Variants in NAV3 observed in about 807,000 individuals in gnomAD.
The protein encoded by NAV3 is neuron navigator 3.
NAV3 carries 87 observed loss-of-function variants against 244.7 expected under a neutral mutation model. That is an observed-to-expected ratio of 0.36 (90% CI 0.30 to 0.42). The LOEUF (loss-of-function observed/expected upper bound fraction) is 0.42. Among genes scored for constraint, NAV3 ranks in the 20% least tolerant of loss-of-function variants. The pLI is 1.00. For synonymous variants in NAV3, 1,126 were observed against 1,042.2 expected (o/e 1.08, Z -1.55); for missense variants, 2,663 against 2,893.3 (o/e 0.92, Z 1.83).
At chr12:77,827,663 A>G (rs1873154840), upstream of NAV3, among the ~76,000 whole-genome samples, 1 of 152,128 alleles carries the variant, frequency 6.6e-6, no homozygotes, top group South Asian at 2.1e-4. Context: ...TTATCTTTCT[A>G]ATTCTCATGA....
upstream of NAV3, among the ~76,000 whole-genome samples, chr12:77,829,441 A>G (rs1352838251): frequency 1.3e-5 from 2 of 152,186 alleles, no homozygotes; most frequent in Non-Finnish European, 2.9e-5. Context: ...AAGTTCTATT[A>G]TTTAGGTGCT....
intron 5 of NAV3, among the ~76,000 whole-genome samples, chr12:77,982,307 G>T (rs547337694): frequency 1.6e-5 from 1 of 63,288 alleles, no homozygotes; most frequent in East Asian, 5.5e-4. Flanking sequence ...GTTCATATGT[G>T]ACCTTTCCAC....
At chr12:78,107,547 A>C (rs1160335600) in intron 12 of NAV3, among the ~76,000 whole-genome samples, 1 of 152,192 alleles carries the variant, frequency 6.6e-6, no homozygotes, top group Non-Finnish European at 1.5e-5. Context: ...ACTGACAGCA[A>C]ATTTCTGGCA....
At chr12:77,772,809 T>A (rs1357877046) in intron 2 of NAV3, among the ~76,000 whole-genome samples, 1 of 152,194 alleles carries the variant, frequency 6.6e-6, no homozygotes, top group Non-Finnish European at 1.5e-5. Context: ...AAATGTGCTT[T>A]TGGGACATGT....
At chr12:77,889,764 C>T (rs1235675341) in intron 1 of NAV3, among the ~76,000 whole-genome samples, 2 of 152,028 alleles carry the variant, frequency 1.3e-5, no homozygotes, top group Non-Finnish European at 2.9e-5. Context: ...CTCTGAAGTA[C>T]AATTTATATG....
intron 24 of NAV3, among the ~76,000 whole-genome samples, chr12:78,169,583 T>TA (rs1292395945): frequency 2.0e-5 from 3 of 151,852 alleles, no homozygotes; most frequent in East Asian, 3.9e-4. Flanking sequence ...TTTCCCAGCT[T>TA]AAAAAATCCT....
chr12:78,178,102 C>A (rs1335812306), intron 28 of NAV3, among the ~76,000 whole-genome samples: 2 of 150,834 alleles, frequency 1.3e-5, no homozygotes, highest in Non-Finnish European at 2.9e-5. Context: ...AGAACAATTA[C>A]AACAATATTT....
At chr12:77,874,706 C>G (rs1881589870) in intron 1 of NAV3, among the ~76,000 whole-genome samples, 2 of 151,988 alleles carry the variant, frequency 1.3e-5, no homozygotes, top group African/African-American at 4.8e-5. Context: ...ATTTTAATTA[C>G]CACTAGGGAG....
At chr12:77,857,971 C>T (rs955599348) in intron 1 of NAV3, among the ~76,000 whole-genome samples, 17 of 151,902 alleles carry the variant, frequency 1.1e-4, no homozygotes, top group South Asian at 2.1e-4. Flanking sequence ...AAATTCATTT[C>T]GAGTACCAAA....
intron 1 of NAV3, among the ~76,000 whole-genome samples, chr12:77,867,366 C>T (rs1000422785): frequency 6.6e-6 from 1 of 152,078 alleles, no homozygotes; most frequent in Admixed American, 6.6e-5. Context: ...TCTATTAAAC[C>T]TCTTTTTCTT....
intron 2 of NAV3, among the ~76,000 whole-genome samples, chr12:77,752,498 T>G (rs181966712): frequency 6.6e-6 from 1 of 152,114 alleles, no homozygotes; most frequent in East Asian, 1.9e-4. Context: ...AATCACTCAG[T>G]TTAATGGAAC....
At chr12:77,675,822 G>A (rs2137093583) in intron 2 of NAV3, among the ~76,000 whole-genome samples, 1 of 152,264 alleles carries the variant, frequency 6.6e-6, no homozygotes, top group East Asian at 1.9e-4. Flanking sequence ...TTCCTGTGCT[G>A]GTCCTTGTGT....
intron 12 of NAV3, among the ~76,000 whole-genome samples, chr12:78,078,674 C>T (rs1295061061): frequency 6.6e-6 from 1 of 151,934 alleles, no homozygotes; most frequent in Non-Finnish European, 1.5e-5. Flanking sequence ...GGATTATAGG[C>T]GTGAGCCACC....
At chr12:78,162,233 G>A (rs1593852633) in intron 23 of NAV3, among the ~76,000 whole-genome samples, 1 of 152,114 alleles carries the variant, frequency 6.6e-6, no homozygotes, top group East Asian at 1.9e-4. Flanking sequence ...GCTCTCTGGT[G>A]ATTCAACAAT....
chr12:77,805,152 C>G (rs1223727772), intron 2 of NAV3, among the ~76,000 whole-genome samples: 1 of 152,098 alleles, frequency 6.6e-6, no homozygotes, highest in Non-Finnish European at 1.5e-5. Flanking sequence ...ACTTGAATAC[C>G]CTTTATTTCT....
rs1565979302 is a variant in NAV3, at chr12:77,976,657, TCTTTCTTTC to T, written c.671+7956_671+7964del. On this transcript the variant is annotated intron_variant, in intron 5 of 39. Coordinates refer to ENST00000397909, the MANE Select transcript of NAV3 (RefSeq NM_001024383.2). ...GTGTATACTGTATTCTTTCTTTCTT[TCTTTCTTTC>T]TTTTTTTCTTTTTTTTTTTTTTTTT... 2.0e-3 allele frequency among the ~76,000 whole-genome samples: 200 copies of T among 101,338 alleles called. 1 individual carries two copies. The highest frequency in any genetic ancestry group is 7.2e-3 in the African/African-American group (189 of 26,192). The allele number at this position is 101,338 out of a possible 152,430, so 66.5% of individuals were successfully genotyped here.
chr12:77,727,258 T>C (rs1201267606), intron 2 of NAV3, among the ~76,000 whole-genome samples: 3 of 151,860 alleles, frequency 2.0e-5, no homozygotes, highest in African/African-American at 7.2e-5. Context: ...TTTTGGGTCA[T>C]AAACATGGAG....
chr12:77,756,237 C>T (rs1277119508), intron 2 of NAV3, among the ~76,000 whole-genome samples: 1 of 152,018 alleles, frequency 6.6e-6, no homozygotes, highest in East Asian at 1.9e-4. Flanking sequence ...TTATTAAAAG[C>T]AAGTGTTTAT....
In NAV3 at chr12:78,128,773, G is replaced by A. The variant is rs2138851582; in HGVS notation, c.4348G>A (p.Gly1450Arg). ...GKEWLRSHST[G>R]GLQDTGNQSP... ...AGAGTGGTTGCGTTCTCATTCTACT[G>A]GAGGGCTTCAGGACACTGGCAACCA... Residue 1450 changes from glycine (G) to arginine (R), a missense_variant, in exon 18 of 40, where the codon GGA becomes AGA. Physicochemically the swap from Gly to Arg is moderately radical, Grantham distance 125 (BLOSUM62 -2). This residue lies in a region of NAV3 where 354 missense variants were observed against 413.0 expected (regional missense o/e 0.86). Coordinates refer to ENST00000397909, the MANE Select transcript of NAV3 (RefSeq NM_001024383.2). The A allele has an allele frequency of 2.5e-6, 4 of 1,614,016 alleles. No homozygotes were observed.
Sources: gnomAD v4.1 joint callset for allele counts (sites outside exome capture counted in the v4.1 genomes callset) on GRCh38, gnomAD v4.1.1 for gene constraint, gnomAD v4.1.1 regional missense constraint, MANE v1.5 for transcripts, NCBI Gene and HGNC (gene_info 2026-07-23, HGNC 2026-07-21) for gene names.